SERF2: variants seen among roughly 807,000 people sequenced by gnomAD.
SERF2 encodes small EDRK-rich factor 2.
In SERF2, 4 loss-of-function variants were observed where a neutral mutation model predicts 10.7. The observed-to-expected ratio is 0.37, with a 90% confidence interval of 0.18 to 0.86. The LOEUF is 0.86. SERF2 is among the 40% of genes least tolerant of loss of function. The pLI is 0.43. For missense variants in SERF2, 47 were observed against 79.1 expected (o/e 0.59, Z 1.54); for synonymous variants, 26 against 26.0 (o/e 1.00, Z 0.01).
At chr15:43,791,327 C>T (rs558460679), upstream of SERF2, among the ~76,000 whole-genome samples, 76 of 152,098 alleles carry the variant, frequency 5.0e-4, 1 homozygote, top group Non-Finnish European at 9.0e-4. Flanking sequence ...CTGCAACTTC[C>T]GCCTCCCGGG....
At position 43,795,815 on chromosome 15, in the gene SERF2, GATT is replaced by G; in HGVS notation, c.*2043_*2045del. 6.8e-7 allele frequency: 1 copy of G among 1,475,388 alleles called. No homozygotes were observed. Among genetic ancestry groups the G allele is most frequent in the East Asian group, 2.3e-5 (1 of 43,730 alleles). 91.4% of individuals were successfully genotyped at this position (1,475,388 alleles called of 1,614,324 possible). ...ATCTAGGAAACTTCCCCCGTGAAAA[GATT>G]GGTCTAGTATTAAAAAGTGGAGGCA... On this transcript the variant is annotated 3_prime_UTR_variant, in exon 3 of 3. Transcript: ENST00000249786.
At chr15:43,793,603 A>T (rs776485256) in intron 2 of SERF2, 107 bp from the exon 3 acceptor site, 3 of 1,602,046 alleles carry the variant, frequency 1.9e-6, no homozygotes, top group Non-Finnish European at 2.6e-6. Context: ...CAAACGCTGA[A>T]CTTAGTCCCA....
intron 1 of SERF2, among the ~76,000 whole-genome samples, chr15:43,777,815 T>G (rs2086932494): frequency 6.6e-6 from 1 of 152,110 alleles, no homozygotes; most frequent in African/African-American, 2.4e-5. Context: ...TGTTTGATTA[T>G]GTTTCCCAAG....
intron 1 of SERF2, chr15:43,777,606 G>A (rs1485326980): frequency 5.8e-6 from 1 of 172,880 alleles, no homozygotes; most frequent in Non-Finnish European, 1.3e-5. Flanking sequence ...GTAGTGGCAG[G>A]AAAGTTGCAG....
intron 1 of SERF2, among the ~76,000 whole-genome samples, chr15:43,780,377 C>T (rs771811177): frequency 1.4e-4 from 21 of 152,006 alleles, no homozygotes; most frequent in Admixed American, 2.0e-4. Context: ...CTCCTGACCT[C>T]GTGATCCGCC....
intron 1 of SERF2, among the ~76,000 whole-genome samples, chr15:43,779,039 A>G (rs1044910452): frequency 1.3e-5 from 2 of 152,204 alleles, no homozygotes; most frequent in Non-Finnish European, 2.9e-5. Context: ...AACATCTCCA[A>G]AATTTTGATG....
chr15:43,782,800 CA>C (rs1312865214), intron 1 of SERF2, among the ~76,000 whole-genome samples: 1 of 152,026 alleles, frequency 6.6e-6, no homozygotes, highest in Non-Finnish European at 1.5e-5. Context: ...AGCTTTTGGA[CA>C]AATCCTTTGA....
rs1017080854 is a variant in SERF2 at position 43,792,677 on chromosome 15, C to T, written c.7+294C>T. 5 of 1,265,546 alleles carry T rather than the reference C, an allele frequency of 4.0e-6. No individual in the cohort carries two copies. The Admixed American group carries it at 8.8e-5, about 22-fold the overall frequency. The allele number at this position is 1,265,546 out of a possible 1,614,324, so 78.4% of individuals were successfully genotyped here. A position where few individuals can be genotyped will look rare whatever the true frequency, so the allele number is the denominator to read the frequency against. ...CCCACTCCACAAGCCAGCCCATCCC[C>T]CACGGAGACCCAAACCGTCCACACA... On this transcript the variant is annotated intron_variant, in intron 1 of 2. Coordinates refer to ENST00000249786, the MANE Select transcript of SERF2 (RefSeq NM_001018108.4).
chr15:43,778,547 A>G (rs1275085657), intron 1 of SERF2, among the ~76,000 whole-genome samples: 1 of 147,494 alleles, frequency 6.8e-6, no homozygotes, highest in African/African-American at 2.5e-5. Flanking sequence ...TCAAAAAAAG[A>G]AAAAAAGGCC....
chr15:43,787,512 C>T (rs915011365), upstream of SERF2, among the ~76,000 whole-genome samples: 1 of 152,162 alleles, frequency 6.6e-6, no homozygotes, highest in Non-Finnish European at 1.5e-5. Context: ...ATTCTCCTGC[C>T]TCAGACTCCC....
chr15:43,792,946 G>A, intron 1 of SERF2, 29 bp from the exon 2 acceptor site: 1 of 1,520,054 alleles, frequency 6.6e-7, no homozygotes, highest in Non-Finnish European at 9.0e-7. Context: ...AGCGGCCCCC[G>A]CGTCTCACCT....
upstream of SERF2, chr15:43,792,031 C>A: frequency 2.1e-6 from 1 of 474,918 alleles, no homozygotes; most frequent in Non-Finnish European, 3.9e-6. Context: ...TGCACGGTCA[C>A]GTGCTCGAGC....
chr15:43,787,802 C>T (rs189683517), upstream of SERF2, among the ~76,000 whole-genome samples: 244 of 151,808 alleles, frequency 1.6e-3, no homozygotes, highest in Non-Finnish European at 2.6e-3. Context: ...GAGCTCAAGC[C>T]ATCCTTCCAC....
At chr15:43,788,998 A>T (rs1003979014), upstream of SERF2, among the ~76,000 whole-genome samples, 1 of 151,868 alleles carries the variant, frequency 6.6e-6, no homozygotes, top group Admixed American at 6.6e-5. Context: ...AAACACAAAA[A>T]ATTAGCCGGG....
chr15:43,795,732 G>A lies in SERF2; in HGVS notation c.*1959G>A. ...TTCAGGGCAGCAGAAACACAGTGAGGGCTTCTGCAAAACAGAACGCAGGTT... is the reference window on the plus strand; with the variant it reads ...TTCAGGGCAGCAGAAACACAGTGAGAGCTTCTGCAAAACAGAACGCAGGTT... On this transcript the variant is annotated 3_prime_UTR_variant, in exon 3 of 3. Transcript: ENST00000249786. 3 of 1,613,834 alleles carry A rather than the reference G, an allele frequency of 1.9e-6. No homozygotes were observed. The highest frequency in any genetic ancestry group is 2.2e-5 in the South Asian group (2 of 91,058).
intron 1 of SERF2, among the ~76,000 whole-genome samples, chr15:43,779,298 T>C (rs1372572693): frequency 6.6e-6 from 1 of 151,940 alleles, no homozygotes; most frequent in Non-Finnish European, 1.5e-5. Context: ...GGAGGAGTGA[T>C]TGGGGTTGAG....
exon 1 of SERF2, chr15:43,777,162 G>C (rs1391813321): frequency 1.5e-6 from 1 of 660,764 alleles, no homozygotes; most frequent in Non-Finnish European, 2.8e-6. Flanking sequence ...TGGGCTATCG[G>C]AAGAGCTATC....
At chr15:43,786,042 C>A (rs2087004217) in intron 2 of SERF2, among the ~76,000 whole-genome samples, 1 of 151,438 alleles carries the variant, frequency 6.6e-6, no homozygotes, top group Non-Finnish European at 1.5e-5. Context: ...TTTTTGGGGT[C>A]TATTTTTATG....
rs766074141 is a variant in SERF2, at chr15:43,795,091, C to A, written c.*1318C>A. The A allele has an allele frequency of 6.2e-7, 1 of 1,613,856 alleles. No homozygotes were observed. The highest frequency in any genetic ancestry group is 1.1e-5 in the South Asian group (1 of 91,056). On this transcript the variant is annotated 3_prime_UTR_variant, in exon 3 of 3. Transcript: ENST00000249786. Reference sequence around the variant, plus strand: ...CTGGGGTTTCTGGGTGGGGGGCCAACAGAGTGGTGCCAGTAACAGCCCCAG... The same window carrying A: ...CTGGGGTTTCTGGGTGGGGGGCCAAAAGAGTGGTGCCAGTAACAGCCCCAG...
Sources: gnomAD v4.1 joint callset for allele counts (sites outside exome capture counted in the v4.1 genomes callset) on GRCh38, gnomAD v4.1.1 for gene constraint, MANE v1.5 for transcripts, NCBI Gene and HGNC (gene_info 2026-07-23, HGNC 2026-07-21) for gene names.